POLR3B: variants seen among roughly 807,000 people sequenced by gnomAD.
POLR3B encodes the protein RNA polymerase III subunit B.
Under a neutral mutation model 147.4 loss-of-function variants are expected in POLR3B, and 96 were observed. That is an observed-to-expected ratio of 0.65 (90% confidence interval 0.55 to 0.77). The LOEUF (loss-of-function observed/expected upper bound fraction) is 0.77, where lower values mean the gene tolerates loss of function less well. Ranked by LOEUF, POLR3B falls within the 30% of genes least tolerant of loss-of-function variation. The probability of loss-of-function intolerance (pLI) is 0.00; values close to 1 mark genes in which losing one functional copy is unlikely to be tolerated. For synonymous variants in POLR3B, 461 were observed against 485.9 expected (o/e 0.95, Z 0.67); for missense variants, 1,036 against 1,413.5 (o/e 0.73, Z 4.28).
At chr12:106,360,121 T>C (rs2036448561) in intron 1 of POLR3B, among the ~76,000 whole-genome samples, 1 of 152,250 alleles carries the variant, frequency 6.6e-6, no homozygotes, top group African/African-American at 2.4e-5. Context: ...CCAGAACGAC[T>C]GTCCTCTCTT....
chr12:106,492,988 G>T (rs1414737696), intron 23 of POLR3B, among the ~76,000 whole-genome samples: 1 of 152,126 alleles, frequency 6.6e-6, no homozygotes, highest in Non-Finnish European at 1.5e-5. Flanking sequence ...ATGTTAAACT[G>T]GTGTATTTGC....
At chr12:106,461,541 T>C (rs1009226221) in intron 22 of POLR3B, among the ~76,000 whole-genome samples, 1 of 152,156 alleles carries the variant, frequency 6.6e-6, no homozygotes, top group African/African-American at 2.4e-5. Context: ...CCATGTATAG[T>C]CGAACTTGCC....
chr12:106,435,294 C>T (rs2037562895), intron 16 of POLR3B, among the ~76,000 whole-genome samples: 1 of 150,710 alleles, frequency 6.6e-6, no homozygotes, highest in South Asian at 2.1e-4. Flanking sequence ...CAGGCACACA[C>T]CACTGCCCCT....
At chr12:106,456,448 A>G (rs1161593225) in intron 20 of POLR3B, among the ~76,000 whole-genome samples, 1 of 152,192 alleles carries the variant, frequency 6.6e-6, no homozygotes. Flanking sequence ...ATTAAACTCC[A>G]ATCTTTAGGG....
At chr12:106,414,602 G>A (rs2136941122) in intron 12 of POLR3B, among the ~76,000 whole-genome samples, 1 of 152,060 alleles carries the variant, frequency 6.6e-6, no homozygotes, top group East Asian at 1.9e-4. Context: ...CTGCCATTTG[G>A]GTTTGCTTAT....
intron 9 of POLR3B, among the ~76,000 whole-genome samples, chr12:106,381,686 C>G (rs2036765893): frequency 6.6e-6 from 1 of 152,186 alleles, no homozygotes; most frequent in Admixed American, 6.5e-5. Flanking sequence ...CTTGCAAACT[C>G]TTGTTGATGT....
At chr12:106,419,083 G>A (rs2037341990) in intron 12 of POLR3B, among the ~76,000 whole-genome samples, 1 of 152,144 alleles carries the variant, frequency 6.6e-6, no homozygotes, top group African/African-American at 2.4e-5. Flanking sequence ...ATTCTGTTCA[G>A]GATGCTTATT....
chr12:106,445,060 T>G lies in POLR3B; in HGVS notation c.2083+470T>G, dbSNP rs534135067. On this transcript the variant is annotated intron_variant, in intron 19 of 27. Transcript: ENST00000228347. ...TTATACCCTTGCAATTGCTAGTGTA[T>G]CTCCTAAAACTTATCCAATTCATGT... Among the ~76,000 whole-genome samples, 3 of 152,300 alleles carry G rather than the reference T, an allele frequency of 2.0e-5. No homozygotes were observed. In the East Asian group the frequency reaches 5.8e-4, roughly 29 times the overall value.
intron 2 of POLR3B, among the ~76,000 whole-genome samples, chr12:106,364,185 A>C (rs2036502616): frequency 6.6e-6 from 1 of 152,222 alleles, no homozygotes; most frequent in South Asian, 2.1e-4. Context: ...AGAGAGGGCC[A>C]CCCAAATGAA....
intron 19 of POLR3B, among the ~76,000 whole-genome samples, chr12:106,446,888 G>T (rs1252579382): frequency 6.6e-6 from 1 of 152,156 alleles, no homozygotes; most frequent in Non-Finnish European, 1.5e-5. Context: ...GAAGTATTGA[G>T]CAAAGTCTGC....
At chr12:106,471,382 T>G (rs2038089286) in intron 23 of POLR3B, among the ~76,000 whole-genome samples, 1 of 152,154 alleles carries the variant, frequency 6.6e-6, no homozygotes. Flanking sequence ...TGGCTTCCCT[T>G]GGCTAGGAAA....
intron 12 of POLR3B, among the ~76,000 whole-genome samples, chr12:106,426,256 G>T (rs897776007): frequency 6.6e-6 from 1 of 150,958 alleles, no homozygotes; most frequent in Non-Finnish European, 1.5e-5. Flanking sequence ...GTGTGTGTGT[G>T]TGTGTGTGTG....
intron 19 of POLR3B, among the ~76,000 whole-genome samples, chr12:106,447,427 A>G (rs1403401506): frequency 2.0e-5 from 3 of 152,164 alleles, no homozygotes; most frequent in African/African-American, 7.2e-5. Flanking sequence ...CGCTTTATTA[A>G]TAAAGTTCGA....
chr12:106,425,469 C>G (rs2037423290), intron 12 of POLR3B, among the ~76,000 whole-genome samples: 1 of 152,182 alleles, frequency 6.6e-6, no homozygotes, highest in Non-Finnish European at 1.5e-5. Flanking sequence ...TTCTGTCCCT[C>G]TCTGAGAAGA....
rs749973787 is a variant in POLR3B at position 106,459,333 on chromosome 12, A to G, written c.2535A>G (p.Val845=). ...VTQIPLEGSN[V]PQQPQYKDVP... ...AGATTCCTTTGGAAGGAAGTAATGTACCACAGCAACCACAGTACAAAGATG... is the reference window on the plus strand; with the variant it reads ...AGATTCCTTTGGAAGGAAGTAATGTGCCACAGCAACCACAGTACAAAGATG... Residue 845 remains valine (V), a synonymous_variant, in exon 22 of 28, where the codon GTA becomes GTG. Transcript: ENST00000228347. 2.5e-6 allele frequency: 4 copies of G among 1,582,908 alleles called. No individual in the cohort carries two copies. The South Asian group carries it at 4.4e-5, about 18-fold the overall frequency.
At position 106,369,331 on chromosome 12, in the gene POLR3B, G is replaced by A; in HGVS notation, c.284G>A (p.Arg95Lys). Reference protein sequence around the residue: ...PDVEESFNVTRPVSPHECRLR... With the variant: ...PDVEESFNVTKPVSPHECRLR... ...GTTGAAGAAAGCTTCAATGTAACTA[G>A]ACCAGTGTCCCCTCATGAGGTAATT... The change falls in exon 5 of 28, where the codon AGA (arginine) becomes AAA (lysine). Residue 95 changes from arginine (R) to lysine (K), a missense_variant. Around this residue, in one of 12 missense-constraint regions of POLR3B, gnomAD observed 150 missense variants for 145.5 expected, o/e 1.03. Transcript: ENST00000228347. 8 of 1,590,830 alleles carry A rather than the reference G, an allele frequency of 5.0e-6. No individual in the cohort carries two copies. Among genetic ancestry groups the A allele is most frequent in the Non-Finnish European group, 6.9e-6 (8 of 1,158,802 alleles).
intron 23 of POLR3B, 114 bp from the exon 24 acceptor site, chr12:106,495,941 G>T (rs1592775442): frequency 1.3e-6 from 1 of 784,416 alleles, no homozygotes; most frequent in East Asian, 2.4e-5. Context: ...GAGGCCATGG[G>T]GAAGATTTTA....
At chr12:106,368,726 G>C (rs936637606) in intron 4 of POLR3B, among the ~76,000 whole-genome samples, 1 of 151,218 alleles carries the variant, frequency 6.6e-6, no homozygotes, top group African/African-American at 2.4e-5. Context: ...TTTTCAGTAT[G>C]TGAGACATTA....
At chr12:106,422,190 A>T (rs999194293) in intron 12 of POLR3B, among the ~76,000 whole-genome samples, 4 of 151,994 alleles carry the variant, frequency 2.6e-5, no homozygotes, top group Admixed American at 2.6e-4. Flanking sequence ...GGTGGTTTTT[A>T]ATGGCTTAGC....
Sources: allele counts gnomAD v4.1 joint callset (sites outside exome capture counted in the v4.1 genomes callset), GRCh38; gene constraint gnomAD v4.1.1; regional missense constraint gnomAD v4.1.1; transcripts MANE v1.5; gene names NCBI Gene and HGNC (gene_info 2026-07-23, HGNC 2026-07-21).